TBC1D22B: variants seen among roughly 807,000 people sequenced by gnomAD.
TBC1D22B encodes the protein TBC1 domain family member 22B.
A neutral mutation model predicts 69.1 loss-of-function variants in TBC1D22B; 32 were observed. The ratio of observed to expected loss-of-function variants is 0.46; its 90% CI spans 0.35 to 0.62. The LOEUF (loss-of-function observed/expected upper bound fraction) is 0.62, where lower values mean the gene tolerates loss of function less well. TBC1D22B is among the 20% of genes least tolerant of loss of function. The probability of loss-of-function intolerance (pLI) is 0.00; values close to 1 mark genes in which losing one functional copy is unlikely to be tolerated. For missense variants in TBC1D22B, 462 were observed against 630.9 expected (o/e 0.73, Z 2.87); for synonymous variants, 206 against 229.8 (o/e 0.90, Z 0.94).
At chr6:37,262,309 CTGAGATTATAGGTG>C (rs2113969035) in intron 1 of TBC1D22B, among the ~76,000 whole-genome samples, 1 of 152,142 alleles carries the variant, frequency 6.6e-6, no homozygotes, top group Non-Finnish European at 1.5e-5. Context: ...TCCCAAAGTT[CTGAGATTATAGGTG>C]TGAGCCACCG....
chr6:37,329,646 C>G (rs1300921136), intron 12 of TBC1D22B, among the ~76,000 whole-genome samples: 1 of 152,188 alleles, frequency 6.6e-6, no homozygotes, highest in East Asian at 1.9e-4. Flanking sequence ...TGTTTATTTC[C>G]CTTCAACTAA....
At chr6:37,319,847 C>CT (rs1391772872) in intron 12 of TBC1D22B, among the ~76,000 whole-genome samples, 1 of 152,126 alleles carries the variant, frequency 6.6e-6, no homozygotes, top group African/African-American at 2.4e-5. Flanking sequence ...GGAACAAGGG[C>CT]ACAAAGCATT....
At chr6:37,297,633 G>A (rs1767424338) in intron 8 of TBC1D22B, among the ~76,000 whole-genome samples, 1 of 152,084 alleles carries the variant, frequency 6.6e-6, no homozygotes. Flanking sequence ...TATATTTAAT[G>A]CTCTAAAGCA....
Position 37,287,038 on chromosome 6 carries a change from T to A in TBC1D22B, c.833T>A (p.Leu278His). 2 of 1,603,668 alleles carry A rather than the reference T, an allele frequency of 1.2e-6. No individual in the cohort carries two copies. Among genetic ancestry groups the A allele is most frequent in the Non-Finnish European group, 1.7e-6 (2 of 1,176,614 alleles). ...ATTGACATTCCAAGGACGAATCCTC[T>A]CATTCCGTTGTTCCAGCAACCACTT... ...IHIDIPRTNPLIPLFQQPLVQ... is the reference protein window; with the variant it reads ...IHIDIPRTNPHIPLFQQPLVQ... The change falls in exon 7 of 13, where the codon CTC becomes CAC. Residue 278 changes from leucine (L) to histidine (H), a missense_variant. By Grantham distance (99) the Leu-to-His change is moderately conservative. Around this residue, in one of 2 missense-constraint regions of TBC1D22B, gnomAD observed 225 missense variants for 375.4 expected, o/e 0.60. Transcript: ENST00000373491.
chr6:37,289,957 T>C (rs997344373), intron 7 of TBC1D22B, among the ~76,000 whole-genome samples: 1 of 152,218 alleles, frequency 6.6e-6, no homozygotes, highest in African/African-American at 2.4e-5. Flanking sequence ...AAAGGCTTTG[T>C]TCTCACTACC....
intron 1 of TBC1D22B, among the ~76,000 whole-genome samples, chr6:37,263,475 G>T (rs997647612): frequency 6.6e-6 from 1 of 152,246 alleles, no homozygotes; most frequent in African/African-American, 2.4e-5. Flanking sequence ...AAAAACAGAT[G>T]GGAGGAGTTC....
At chr6:37,318,555 A>G (rs1178174899) in intron 12 of TBC1D22B, among the ~76,000 whole-genome samples, 1 of 152,192 alleles carries the variant, frequency 6.6e-6, no homozygotes, top group Non-Finnish European at 1.5e-5. Context: ...GACACACTGG[A>G]TGAGATCCCT....
rs138134979 is a variant in TBC1D22B, at chr6:37,319,132, G to T, written c.1389+1926G>T. On this transcript the variant is annotated intron_variant, in intron 12 of 12. Transcript: ENST00000373491. ...CAGGACCCAGCTTGCCCAAGTAAGGGCTTTGGAAGAAAAAGGAGAGCAGAT... is the reference window on the plus strand; with the variant it reads ...CAGGACCCAGCTTGCCCAAGTAAGGTCTTTGGAAGAAAAAGGAGAGCAGAT... 2.1e-4 allele frequency among the ~76,000 whole-genome samples: 32 copies of T among 152,332 alleles called. No individual in the cohort carries two copies. The Middle Eastern group carries it at 0.014, about 65-fold the overall frequency.
At chr6:37,308,742 AT>A (rs1435384442) in intron 8 of TBC1D22B, among the ~76,000 whole-genome samples, 2 of 152,166 alleles carry the variant, frequency 1.3e-5, no homozygotes, top group African/African-American at 4.8e-5. Context: ...AAATTGACTT[AT>A]TTTTAAGGTA....
intron 5 of TBC1D22B, 92 bp from the exon 6 acceptor site, chr6:37,284,244 G>A: frequency 1.3e-6 from 2 of 1,592,182 alleles, no homozygotes; most frequent in Non-Finnish European, 1.7e-6. Flanking sequence ...TTCCTTCTTG[G>A]TAGTTTCCAA....
At chr6:37,328,692 C>T (rs1478799397) in intron 12 of TBC1D22B, among the ~76,000 whole-genome samples, 1 of 151,830 alleles carries the variant, frequency 6.6e-6, no homozygotes, top group Non-Finnish European at 1.5e-5. Flanking sequence ...TCCTCTTGAT[C>T]GTGAAGTTAT....
chr6:37,285,039 TGGTCTGCGGAAA>T (rs1457134149), intron 6 of TBC1D22B, among the ~76,000 whole-genome samples: 1 of 152,184 alleles, frequency 6.6e-6, no homozygotes, highest in Non-Finnish European at 1.5e-5. Flanking sequence ...ATGGTCCTCA[TGGTCTGCGGAAA>T]GGTCTGCTCC....
At chr6:37,282,641 C>T (rs1766872284) in intron 4 of TBC1D22B, among the ~76,000 whole-genome samples, 1 of 152,206 alleles carries the variant, frequency 6.6e-6, no homozygotes, top group Non-Finnish European at 1.5e-5. Context: ...GAAATCTACA[C>T]CCACTGGTCT....
intron 8 of TBC1D22B, chr6:37,295,616 A>T: frequency 2.3e-6 from 1 of 433,544 alleles, no homozygotes; most frequent in South Asian, 1.9e-5. Flanking sequence ...ATTGCAGTTG[A>T]GTTTACTATT....
At chr6:37,267,356 C>CAT (rs1420334815) in intron 1 of TBC1D22B, among the ~76,000 whole-genome samples, 1 of 121,268 alleles carries the variant, frequency 8.2e-6, no homozygotes, top group Admixed American at 9.0e-5. Flanking sequence ...TATATACACA[C>CAT]ATATATAATA....
At chr6:37,264,467 C>T (rs574614497) in intron 1 of TBC1D22B, among the ~76,000 whole-genome samples, 1 of 152,246 alleles carries the variant, frequency 6.6e-6, no homozygotes, top group East Asian at 1.9e-4. Context: ...TGTGTGCCAC[C>T]AAGCCCAGCT....
intron 1 of TBC1D22B, among the ~76,000 whole-genome samples, chr6:37,267,997 G>T (rs115015523): frequency 6.6e-5 from 10 of 152,258 alleles, no homozygotes; most frequent in African/African-American, 2.2e-4. Flanking sequence ...TGCCTCAAAT[G>T]TAAGACCTAG....
At position 37,273,183 on chromosome 6, in the gene TBC1D22B, C is replaced by CA. The variant is rs58720560; in HGVS notation, c.113+3555dup. Reference sequence around the variant, plus strand: ...TAGCAGCCGACTCGTAACCCCGAGGCAAAAAAAAAAAAAAAAAAAAAACGA... The same window carrying CA: ...TAGCAGCCGACTCGTAACCCCGAGGCAAAAAAAAAAAAAAAAAAAAAAACGA... On this transcript the variant is annotated intron_variant, in intron 2 of 12. Transcript: ENST00000373491. Among the ~76,000 whole-genome samples, 263 of 77,254 alleles carry CA rather than the reference C, an allele frequency of 3.4e-3. 13 individuals carry two copies. The highest frequency in any genetic ancestry group is 7.7e-3 in the African/African-American group (162 of 20,912). The allele number at this position is 77,254 out of a possible 152,430, so 50.7% of individuals were successfully genotyped here.
rs375457917 is a variant in TBC1D22B at position 37,261,198 on chromosome 6, G to A, written c.56+3225G>A. Among the ~76,000 whole-genome samples, 32 of 152,222 alleles carry A rather than the reference G, an allele frequency of 2.1e-4. No individual in the cohort carries two copies. The South Asian group carries it at 6.6e-3, about 32-fold the overall frequency. On this transcript the variant is annotated intron_variant, in intron 1 of 12. Transcript: ENST00000373491. ...TGTAATCCCAGAATTTTGGAAGGCT[G>A]AGGCAGGTGGATCGCTTGAGGCCAG...
Sources: gnomAD v4.1 joint callset for allele counts (sites outside exome capture counted in the v4.1 genomes callset) on GRCh38, gnomAD v4.1.1 for gene constraint, gnomAD v4.1.1 regional missense constraint, MANE v1.5 for transcripts, NCBI Gene and HGNC (gene_info 2026-07-23, HGNC 2026-07-21) for gene names.